The following PRR16 variants were observed in gnomAD, a reference collection of about 807,000 sequenced individuals.
The protein encoded by PRR16 is protein Largen.
PRR16 carries 6 observed loss-of-function variants against 18.2 expected under a neutral mutation model. The observed-to-expected ratio is 0.33, with a 90% CI of 0.18 to 0.65. The LOEUF (loss-of-function observed/expected upper bound fraction) is 0.65. Ranked by LOEUF, PRR16 falls within the 30% of genes least tolerant of loss-of-function variation. PRR16 has a pLI of 0.74. For synonymous variants in PRR16, 151 were observed against 147.8 expected (o/e 1.02, Z -0.16); for missense variants, 412 against 376.6 (o/e 1.09, Z -0.78).
intron 1 of PRR16, among the ~76,000 whole-genome samples, chr5:120,505,018 C>T (rs185726101): frequency 6.6e-6 from 1 of 152,058 alleles, no homozygotes; most frequent in Non-Finnish European, 1.5e-5. Flanking sequence ...TTATTTGTTC[C>T]TGGACATTTG....
intron 1 of PRR16, among the ~76,000 whole-genome samples, chr5:120,605,684 T>C (rs1754130783): frequency 6.6e-6 from 1 of 152,218 alleles, no homozygotes; most frequent in East Asian, 1.9e-4. Context: ...TGGATGGGGC[T>C]TTTGGCTTTT....
At chr5:120,514,783 A>G (rs1750933479) in intron 1 of PRR16, among the ~76,000 whole-genome samples, 1 of 152,144 alleles carries the variant, frequency 6.6e-6, no homozygotes, top group Admixed American at 6.5e-5. Flanking sequence ...ATTTAAGAAA[A>G]AAGCTCCAGA....
the PRR16 span, among the ~76,000 whole-genome samples, chr5:120,791,390 A>G: frequency 3.3e-5 from 5 of 152,076 alleles, no homozygotes; most frequent in Admixed American, 6.6e-5. Flanking sequence ...TATAGTTATA[A>G]CTATTGAGAA....
At chr5:120,675,735 T>C (rs928352674) in intron 1 of PRR16, among the ~76,000 whole-genome samples, 2 of 152,198 alleles carry the variant, frequency 1.3e-5, no homozygotes, top group African/African-American at 2.4e-5. Context: ...TCTTACATAT[T>C]ACCAGATGAA....
rs1188592819 is a variant in PRR16, at chr5:120,686,545, C to T, written c.751C>T (p.Leu251Phe). The change falls in exon 2 of 2, where the codon CTC (leucine) becomes TTC (phenylalanine). Residue 251 changes from leucine to phenylalanine, a missense_variant. Coordinates refer to ENST00000407149, the MANE Select transcript of PRR16 (RefSeq NM_001300783.2). ...AAAGATTCCTCACCAAGGCCCTCCC[C>T]TCCCTCCTACACCCCATCTCCCTCC... ...PGKIPHQGPP[L>F]PPTPHLPPFP... 1.2e-6 allele frequency: 2 copies of T among 1,613,772 alleles called. No homozygotes were observed. The highest frequency in any genetic ancestry group is 1.3e-5 in the African/African-American group (1 of 74,966).
At chr5:120,691,245 A>G (rs1383026990), downstream of PRR16, among the ~76,000 whole-genome samples, 1 of 152,132 alleles carries the variant, frequency 6.6e-6, no homozygotes, top group African/African-American at 2.4e-5. Context: ...TGTTCTTCAT[A>G]GCCCCGAACT....
intron 1 of PRR16, among the ~76,000 whole-genome samples, chr5:120,628,738 CTAT>C (rs755449866): frequency 6.8e-6 from 1 of 146,210 alleles, no homozygotes; most frequent in African/African-American, 2.6e-5. Context: ...ATCTATCTAT[CTAT>C]CTATCTATCA....
chr5:120,648,132 T>A (rs1227384230), intron 1 of PRR16, among the ~76,000 whole-genome samples: 2 of 152,142 alleles, frequency 1.3e-5, no homozygotes, highest in Non-Finnish European at 2.9e-5. Flanking sequence ...AATGTAAATA[T>A]ACAGTTTAGA....
chr5:120,775,305 G>C, the PRR16 span, among the ~76,000 whole-genome samples: 1 of 151,962 alleles, frequency 6.6e-6, no homozygotes, highest in African/African-American at 2.4e-5. Context: ...CTCTTCTCCT[G>C]TCTTAGGAAA....
chr5:120,702,384 G>A, the PRR16 span, among the ~76,000 whole-genome samples: 4 of 151,818 alleles, frequency 2.6e-5, no homozygotes, highest in East Asian at 1.9e-4. Flanking sequence ...GTAGAAAAGT[G>A]GGACTTGCCG....
At chr5:120,579,368 G>T (rs1441564689) in intron 1 of PRR16, among the ~76,000 whole-genome samples, 1 of 151,990 alleles carries the variant, frequency 6.6e-6, no homozygotes, top group Admixed American at 6.6e-5. Context: ...TTTCTTCTAG[G>T]GTTTTTATAG....
At chr5:120,649,032 G>A (rs975502343) in intron 1 of PRR16, among the ~76,000 whole-genome samples, 20 of 152,182 alleles carry the variant, frequency 1.3e-4, no homozygotes, top group African/African-American at 4.8e-4. Flanking sequence ...AGTTTATATA[G>A]TTTAATTTTT....
At chr5:120,771,681 C>T in the PRR16 span, among the ~76,000 whole-genome samples, 1 of 152,030 alleles carries the variant, frequency 6.6e-6, no homozygotes, top group African/African-American at 2.4e-5. Context: ...CAGCAATCAC[C>T]AGCTCTCAAC....
chr5:120,559,816 C>G (rs1752522273), intron 1 of PRR16, among the ~76,000 whole-genome samples: 1 of 151,672 alleles, frequency 6.6e-6, no homozygotes, highest in South Asian at 2.1e-4. Flanking sequence ...TTTTTTGTGT[C>G]CTGTTCAATT....
chr5:120,785,634 G>A, the PRR16 span, among the ~76,000 whole-genome samples: 14 of 140,344 alleles, frequency 1.0e-4, no homozygotes, highest in East Asian at 1.0e-3. Flanking sequence ...GTGCAGTGGC[G>A]CGATCTCAGC....
chr5:120,782,585 G>T, the PRR16 span, among the ~76,000 whole-genome samples: 2 of 152,166 alleles, frequency 1.3e-5, no homozygotes. Context: ...AAGCACTGCA[G>T]TCATAAGTTA....
chr5:120,697,108 C>T, the PRR16 span, among the ~76,000 whole-genome samples: 23 of 152,288 alleles, frequency 1.5e-4, no homozygotes, highest in South Asian at 8.3e-4. Flanking sequence ...ATATTCTCTA[C>T]TTTGAGTGAC....
At chr5:120,487,688 A>C (rs537408804) in intron 1 of PRR16, among the ~76,000 whole-genome samples, 3 of 152,244 alleles carry the variant, frequency 2.0e-5, no homozygotes, top group Middle Eastern at 3.4e-3. Flanking sequence ...CACTATGTTG[A>C]ATAGGAGTGG....
intron 1 of PRR16, among the ~76,000 whole-genome samples, chr5:120,581,175 A>G (rs1753259340): frequency 6.6e-6 from 1 of 152,174 alleles, no homozygotes; most frequent in South Asian, 2.1e-4. Context: ...TTGGTAGGCT[A>G]TTAATTACTA....
Sources: allele counts gnomAD v4.1 joint callset (sites outside exome capture counted in the v4.1 genomes callset), GRCh38; gene constraint gnomAD v4.1.1; transcripts MANE v1.5; gene names NCBI Gene and HGNC (gene_info 2026-07-23, HGNC 2026-07-21).